Variants in MAPK10 observed in about 807,000 individuals in gnomAD.
MAPK10 encodes the protein JNK3 alpha protein kinase.
In MAPK10, 25 loss-of-function variants were observed where a neutral mutation model predicts 59.3. The observed-to-expected ratio is 0.42, with a 90% confidence interval of 0.31 to 0.59. The LOEUF (loss-of-function observed/expected upper bound fraction) is 0.59. Ranked by LOEUF, MAPK10 falls within the 20% of genes least tolerant of loss-of-function variation. The probability of loss-of-function intolerance (pLI) is 0.15; values close to 1 mark genes in which losing one functional copy is unlikely to be tolerated. For synonymous variants in MAPK10, 190 were observed against 200.5 expected, an observed-to-expected ratio of 0.95 and a Z score of 0.44; for missense variants, 351 against 568.9, an observed-to-expected ratio of 0.62 and a Z score of 3.90.
intron 1 of MAPK10, among the ~76,000 whole-genome samples, chr4:86,578,906 T>C (rs1015227857): frequency 2.0e-5 from 3 of 152,154 alleles, no homozygotes; most frequent in African/African-American, 4.8e-5. Context: ...AACTCTATCA[T>C]TACATATATT....
chr4:86,045,436 T>C (rs1208665387), intron 11 of MAPK10, among the ~76,000 whole-genome samples: 1 of 152,110 alleles, frequency 6.6e-6, no homozygotes, highest in Admixed American at 6.6e-5. Context: ...AATTTAATTA[T>C]TTACAATTCA....
intron 3 of MAPK10, among the ~76,000 whole-genome samples, chr4:86,164,889 A>T (rs991776106): frequency 6.6e-5 from 10 of 152,302 alleles, no homozygotes; most frequent in African/African-American, 2.4e-4. Context: ...TTTGTAAGCT[A>T]AACCATGTAC....
chr4:86,325,695 C>T (rs1578276200), intron 2 of MAPK10, among the ~76,000 whole-genome samples: 2 of 152,116 alleles, frequency 1.3e-5, no homozygotes, highest in South Asian at 4.1e-4. Flanking sequence ...TAAGTAAAAA[C>T]AATTTGGAAT....
chr4:86,307,075 G>C (rs2095582095), intron 2 of MAPK10, among the ~76,000 whole-genome samples: 1 of 152,106 alleles, frequency 6.6e-6, no homozygotes, highest in Non-Finnish European at 1.5e-5. Flanking sequence ...GTGATATACT[G>C]GGGGAAAAAA....
At chr4:86,210,951 T>A (rs1265316679) in intron 2 of MAPK10, among the ~76,000 whole-genome samples, 7 of 149,654 alleles carry the variant, frequency 4.7e-5, no homozygotes, top group Non-Finnish European at 7.5e-5. Context: ...TGAAAAAAAA[T>A]TCATGAGACA....
intron 7 of MAPK10, 184 bp from the exon 8 acceptor site, chr4:86,101,401 T>A: frequency 1.9e-6 from 1 of 526,368 alleles, no homozygotes; most frequent in Non-Finnish European, 3.4e-6. Context: ...GAAAGTGTTT[T>A]AATCCCAGAA....
chr4:86,122,091 G>A (rs980364575), intron 4 of MAPK10, among the ~76,000 whole-genome samples: 1 of 151,970 alleles, frequency 6.6e-6, no homozygotes, highest in Non-Finnish European at 1.5e-5. Context: ...AAAATGGGTG[G>A]CTTTAAACAT....
At chr4:86,264,973 C>T (rs942489428) in intron 2 of MAPK10, among the ~76,000 whole-genome samples, 2 of 146,638 alleles carry the variant, frequency 1.4e-5, no homozygotes, top group Non-Finnish European at 3.0e-5. Context: ...CTCACTGCAA[C>T]CTCCGCCTCC....
At chr4:86,413,525 G>A (rs1245767041) in intron 1 of MAPK10, among the ~76,000 whole-genome samples, 1 of 152,204 alleles carries the variant, frequency 6.6e-6, no homozygotes, top group Non-Finnish European at 1.5e-5. Flanking sequence ...GTGGAATCTA[G>A]AGAGACAGTA....
intron 2 of MAPK10, among the ~76,000 whole-genome samples, chr4:86,241,346 G>T (rs901435259): frequency 1.3e-5 from 2 of 151,886 alleles, no homozygotes; most frequent in African/African-American, 4.8e-5. Context: ...GTATCTTAAT[G>T]GTGTTTGCTG....
intron 2 of MAPK10, among the ~76,000 whole-genome samples, chr4:86,237,149 T>C (rs1205380922): frequency 6.6e-6 from 1 of 152,178 alleles, no homozygotes; most frequent in Non-Finnish European, 1.5e-5. Flanking sequence ...CTGAGGATGA[T>C]GGCTTCCAGC....
chr4:86,589,682 CAA>C (rs879534619), intron 1 of MAPK10, among the ~76,000 whole-genome samples: 5 of 114,512 alleles, frequency 4.4e-5, no homozygotes, highest in African/African-American at 3.2e-5. Context: ...AACTCCGTCT[CAA>C]AAAAAAAAAA....
chr4:86,550,700 C>G (rs1004749097), intron 1 of MAPK10, among the ~76,000 whole-genome samples: 4 of 152,174 alleles, frequency 2.6e-5, no homozygotes, highest in Admixed American at 1.3e-4. Context: ...AAGACTCTGT[C>G]TCAAAACAAA....
At chr4:86,140,697 A>G (rs1201132381) in intron 4 of MAPK10, among the ~76,000 whole-genome samples, 1 of 151,896 alleles carries the variant, frequency 6.6e-6, no homozygotes, top group Non-Finnish European at 1.5e-5. Flanking sequence ...AAAAAAAAAA[A>G]TTAAAGGAAA....
intron 3 of MAPK10, 141 bp downstream of exon 3, chr4:86,194,195 C>T: frequency 8.9e-6 from 6 of 672,170 alleles, no homozygotes; most frequent in Non-Finnish European, 1.3e-5. Context: ...TCTATTCAGC[C>T]GTCTTGCCAG....
At chr4:86,325,463 C>T (rs894751516) in intron 2 of MAPK10, among the ~76,000 whole-genome samples, 5 of 152,170 alleles carry the variant, frequency 3.3e-5, no homozygotes, top group Non-Finnish European at 7.4e-5. Flanking sequence ...CTTGCTTAAC[C>T]ACCATACTAC....
At chr4:86,461,096 C>T (rs555736927) in intron 1 of MAPK10, among the ~76,000 whole-genome samples, 12 of 150,370 alleles carry the variant, frequency 8.0e-5, no homozygotes, top group South Asian at 6.3e-4. Flanking sequence ...GGTTGGAGAA[C>T]GTGGAACTAA....
At chr4:86,032,897 T>C (rs1302143343) in intron 11 of MAPK10, among the ~76,000 whole-genome samples, 2 of 152,212 alleles carry the variant, frequency 1.3e-5, no homozygotes, top group Non-Finnish European at 2.9e-5. Context: ...GGCAGAAGGC[T>C]GTAAACCTCA....
intron 1 of MAPK10, among the ~76,000 whole-genome samples, chr4:86,566,342 T>C (rs757053904): frequency 2.0e-5 from 3 of 152,176 alleles, no homozygotes; most frequent in Non-Finnish European, 2.9e-5. Flanking sequence ...TGGAATCTCT[T>C]AGGAAATTAC....
Sources: allele counts gnomAD v4.1 joint callset (sites outside exome capture counted in the v4.1 genomes callset), GRCh38; gene constraint gnomAD v4.1.1; transcripts MANE v1.5; gene names NCBI Gene and HGNC (gene_info 2026-07-23, HGNC 2026-07-21).